The following SLIT3 variants were observed in gnomAD, a reference collection of about 807,000 sequenced individuals.
The protein encoded by SLIT3 is slit homolog 3 protein.
A neutral mutation model predicts 184.0 loss-of-function variants in SLIT3; 68 were observed. The ratio of observed to expected loss-of-function variants is 0.37; its 90% CI spans 0.30 to 0.45. SLIT3 has a LOEUF of 0.45. Among genes scored for constraint, SLIT3 ranks in the 20% least tolerant of loss-of-function variants. The pLI, the probability that SLIT3 is intolerant of heterozygous loss-of-function variation, is 1.00. For missense variants in SLIT3, 1,707 were observed against 2,026.0 expected (o/e 0.84, Z 3.02); for synonymous variants, 831 against 828.6 (o/e 1.00, Z -0.05).
intron 4 of SLIT3, among the ~76,000 whole-genome samples, chr5:168,975,461 CCA>C (rs998848794): frequency 2.0e-5 from 3 of 151,898 alleles, no homozygotes; most frequent in East Asian, 1.9e-4. Context: ...AGACACCCCC[CCA>C]CACACACAGA....
At chr5:168,982,525 A>G (rs1000712545) in intron 4 of SLIT3, among the ~76,000 whole-genome samples, 2 of 152,242 alleles carry the variant, frequency 1.3e-5, no homozygotes, top group Non-Finnish European at 2.9e-5. Flanking sequence ...GTTATAAGCA[A>G]TAGAAAACAG....
At chr5:169,008,075 C>A (rs940906068) in intron 4 of SLIT3, among the ~76,000 whole-genome samples, 1 of 152,210 alleles carries the variant, frequency 6.6e-6, no homozygotes, top group Non-Finnish European at 1.5e-5. Flanking sequence ...AGACTCCCAG[C>A]TCTATGTGGC....
intron 4 of SLIT3, among the ~76,000 whole-genome samples, chr5:168,975,841 G>C (rs1754737340): frequency 6.6e-6 from 1 of 152,046 alleles, no homozygotes; most frequent in South Asian, 2.1e-4. Flanking sequence ...TACTACTTTT[G>C]CCATGCATCC....
chr5:169,066,417 A>T (rs1231547511), intron 4 of SLIT3, among the ~76,000 whole-genome samples: 1 of 152,228 alleles, frequency 6.6e-6, no homozygotes, highest in Admixed American at 6.5e-5. Flanking sequence ...AGAAATTCAA[A>T]TGGCCAACAT....
At chr5:169,254,647 C>T (rs1302534911) in intron 1 of SLIT3, among the ~76,000 whole-genome samples, 1 of 152,160 alleles carries the variant, frequency 6.6e-6, no homozygotes, top group Non-Finnish European at 1.5e-5. Flanking sequence ...GAGGGGCTTG[C>T]TCTCTCGCTC....
chr5:168,997,763 G>A (rs534189414), intron 4 of SLIT3, among the ~76,000 whole-genome samples: 2 of 152,222 alleles, frequency 1.3e-5, no homozygotes, highest in South Asian at 2.1e-4. Context: ...CAACTGGCAC[G>A]GCATTTCCAA....
chr5:168,969,529 C>T (rs1468025094), intron 4 of SLIT3, among the ~76,000 whole-genome samples: 2 of 152,064 alleles, frequency 1.3e-5, no homozygotes, highest in Non-Finnish European at 2.9e-5. Flanking sequence ...GAAAGAGCAG[C>T]AGGAAGAGAA....
intron 3 of SLIT3, among the ~76,000 whole-genome samples, chr5:169,207,780 C>T (rs1395277028): frequency 6.6e-6 from 1 of 152,010 alleles, no homozygotes; most frequent in African/African-American, 2.4e-5. Context: ...GGAGGTGGGA[C>T]CTTTGGGCGG....
chr5:169,215,694 T>C (rs887104087), intron 3 of SLIT3, among the ~76,000 whole-genome samples: 1 of 152,180 alleles, frequency 6.6e-6, no homozygotes, highest in African/African-American at 2.4e-5. Context: ...TCAGAATGCT[T>C]TGTACATCAA....
intron 4 of SLIT3, among the ~76,000 whole-genome samples, chr5:169,010,858 G>A (rs1470695854): frequency 5.3e-5 from 8 of 150,442 alleles, no homozygotes; most frequent in African/African-American, 9.8e-5. Context: ...GCAGTGAGCC[G>A]AGATCGCGCC....
chr5:169,058,232 G>T (rs1031950842), intron 4 of SLIT3, among the ~76,000 whole-genome samples: 1 of 152,182 alleles, frequency 6.6e-6, no homozygotes, highest in Non-Finnish European at 1.5e-5. Context: ...AATGCCATGC[G>T]GCAAAGTGCA....
At chr5:169,265,846 T>C (rs1766378473) in intron 1 of SLIT3, among the ~76,000 whole-genome samples, 1 of 152,196 alleles carries the variant, frequency 6.6e-6, no homozygotes, top group Non-Finnish European at 1.5e-5. Flanking sequence ...TGGCAGGACC[T>C]CCGTGCTTCT....
At chr5:169,131,643 C>T (rs991023122) in intron 4 of SLIT3, among the ~76,000 whole-genome samples, 1 of 152,206 alleles carries the variant, frequency 6.6e-6, no homozygotes, top group African/African-American at 2.4e-5. Context: ...ACTTTTAACA[C>T]CTACTTTTTC....
chr5:168,829,365 G>A (rs1375408533), intron 6 of SLIT3, among the ~76,000 whole-genome samples: 2 of 152,314 alleles, frequency 1.3e-5, no homozygotes, highest in Middle Eastern at 3.4e-3. Context: ...GCCTCTCTGT[G>A]TGCCAACCTT....
chr5:168,689,939 T>A (rs369609798), intron 29 of SLIT3, among the ~76,000 whole-genome samples: 1 of 152,194 alleles, frequency 6.6e-6, no homozygotes, highest in Non-Finnish European at 1.5e-5. Context: ...TGACATCACA[T>A]ATAAATACAA....
At chr5:168,899,252 T>C (rs984763092) in intron 4 of SLIT3, among the ~76,000 whole-genome samples, 6 of 152,194 alleles carry the variant, frequency 3.9e-5, no homozygotes, top group Non-Finnish European at 8.8e-5. Flanking sequence ...CTGGTGGCTC[T>C]TACCTGTAAT....
At chr5:169,114,544 C>G (rs1760575362) in intron 4 of SLIT3, among the ~76,000 whole-genome samples, 1 of 152,220 alleles carries the variant, frequency 6.6e-6, no homozygotes, top group African/African-American at 2.4e-5. Flanking sequence ...CTCAAGATTG[C>G]TGCAGTGGGA....
rs2113200671 is a variant in SLIT3, at chr5:168,939,548, A to AT, written c.414-56213dup. On this transcript the variant is annotated intron_variant, in intron 4 of 35. Transcript: ENST00000519560. Reference sequence around the variant, plus strand: ...AGACAAGTTTCTAGAAAAACCAAGCATTGTAAACACATTCAGCAACTTTAA... The same window carrying AT: ...AGACAAGTTTCTAGAAAAACCAAGCATTTGTAAACACATTCAGCAACTTTAA... Among the ~76,000 whole-genome samples, 2 of 152,360 alleles carry AT rather than the reference A, an allele frequency of 1.3e-5. 1 individual carries two copies. Among genetic ancestry groups the AT allele is most frequent in the South Asian group, 4.1e-4 (2 of 4,832 alleles).
chr5:168,712,346 T>C lies in SLIT3; in HGVS notation c.2492A>G (p.His831Arg), dbSNP rs1307721824. Residue 831 changes from histidine to arginine, a missense_variant, in exon 24 of 36, where the codon CAT becomes CGT. Around this residue, in one of 3 missense-constraint regions of SLIT3, gnomAD observed 1,307 missense variants for 1,511.6 expected, o/e 0.86. Transcript: ENST00000519560. Reference protein sequence around the residue: ...GLRSLRVLTLHGNDISSVPEG... With the variant: ...GLRSLRVLTLRGNDISSVPEG... ...AGGAACGCTGGAAATGTCATTGCCA[T>C]GGAGGGTTCTGAAGCAGAGGGCACA... The C allele has an allele frequency of 6.2e-7, 1 of 1,614,134 alleles. No homozygotes were observed. The highest frequency in any genetic ancestry group is 2.2e-5 in the East Asian group (1 of 44,878).
Sources: gnomAD v4.1 joint callset for allele counts (sites outside exome capture counted in the v4.1 genomes callset) on GRCh38, gnomAD v4.1.1 for gene constraint, gnomAD v4.1.1 regional missense constraint, MANE v1.5 for transcripts, NCBI Gene and HGNC (gene_info 2026-07-23, HGNC 2026-07-21) for gene names.